The following NREP variants were observed in gnomAD, a reference collection of about 807,000 sequenced individuals.
NREP encodes the protein neuronal regeneration related protein.
Under a neutral mutation model 8.6 loss-of-function variants are expected in NREP, and 5 were observed. The ratio of observed to expected loss-of-function variants is 0.58; its 90% CI spans 0.30 to 1.22. The LOEUF (loss-of-function observed/expected upper bound fraction) is 1.22, where lower values mean the gene tolerates loss of function less well. Among genes scored for constraint, NREP ranks in the 50% most tolerant of loss-of-function variants. The pLI, the probability that NREP is intolerant of heterozygous loss-of-function variation, is 0.07. For missense variants in NREP, 86 were observed against 82.5 expected, an observed-to-expected ratio of 1.04 and a Z score of -0.17; for synonymous variants, 27 against 28.0, an observed-to-expected ratio of 0.96 and a Z score of 0.11.
intron 2 of NREP, among the ~76,000 whole-genome samples, chr5:111,920,853 C>T (rs1755218365): frequency 6.6e-6 from 1 of 152,152 alleles, no homozygotes; most frequent in South Asian, 2.1e-4. Flanking sequence ...CTGCTGAAAG[C>T]AGTTCCCACT....
chr5:111,934,024 C>T (rs1424534562), intron 2 of NREP, among the ~76,000 whole-genome samples: 1 of 152,030 alleles, frequency 6.6e-6, no homozygotes, highest in African/African-American at 2.4e-5. Context: ...GTACCATTTT[C>T]CTTTTGGGGA....
intron 2 of NREP, among the ~76,000 whole-genome samples, chr5:111,829,687 T>A (rs1056267251): frequency 1.3e-5 from 2 of 152,194 alleles, no homozygotes; most frequent in African/African-American, 4.8e-5. Context: ...TGACTCTCAG[T>A]CTAGACTTTA....
At chr5:111,905,699 C>G (rs988114825) in intron 2 of NREP, among the ~76,000 whole-genome samples, 3 of 151,960 alleles carry the variant, frequency 2.0e-5, no homozygotes, top group Non-Finnish European at 2.9e-5. Context: ...CCAAGTGAAA[C>G]AAAACACCAA....
At chr5:111,748,342 C>T (rs1317901730) in intron 2 of NREP, among the ~76,000 whole-genome samples, 2 of 152,090 alleles carry the variant, frequency 1.3e-5, no homozygotes, top group African/African-American at 2.4e-5. Context: ...TTTCATTTCC[C>T]GGAATGCCTG....
intron 2 of NREP, among the ~76,000 whole-genome samples, chr5:111,789,787 C>T (rs890027722): frequency 6.6e-6 from 1 of 152,004 alleles, no homozygotes; most frequent in Admixed American, 6.6e-5. Context: ...AGTCTTGAGC[C>T]AAACCATATG....
intron 2 of NREP, among the ~76,000 whole-genome samples, chr5:111,906,587 T>C (rs1754784723): frequency 6.6e-6 from 1 of 152,136 alleles, no homozygotes; most frequent in African/African-American, 2.4e-5. Context: ...TTTAGTGATA[T>C]CACAAATGAT....
chr5:111,774,017 A>T (rs1474090560), intron 2 of NREP, among the ~76,000 whole-genome samples: 2 of 152,152 alleles, frequency 1.3e-5, no homozygotes, highest in East Asian at 1.9e-4. Flanking sequence ...CTGATCTGAG[A>T]ATTTATAAAC....
intron 2 of NREP, among the ~76,000 whole-genome samples, chr5:111,849,541 A>C (rs534779498): frequency 6.6e-6 from 1 of 152,146 alleles, no homozygotes; most frequent in Non-Finnish European, 1.5e-5. Flanking sequence ...CAGTATGGAC[A>C]ATGAATTGGA....
rs541524594 is a variant in NREP, at chr5:111,911,903, C to A, written c.135+63371G>T. 5.5e-4 allele frequency among the ~76,000 whole-genome samples: 84 copies of A among 152,174 alleles called. 1 individual carries two copies. The highest frequency in any genetic ancestry group is 5.4e-3 in the Admixed American group (83 of 15,274). On this transcript the variant is annotated intron_variant, in intron 2 of 3. Transcript: ENST00000395634. Reference sequence around the variant, plus strand: ...CAGCATTTCAGGTAGTGCCCACCACCATCCTATAAGCAAGTACTAGTCTTC... The same window carrying A: ...CAGCATTTCAGGTAGTGCCCACCACAATCCTATAAGCAAGTACTAGTCTTC...
intron 2 of NREP, chr5:111,974,239 T>C (rs1756900355): frequency 6.6e-6 from 1 of 152,222 alleles, no homozygotes; most frequent in Non-Finnish European, 1.5e-5. Flanking sequence ...TTGGAATTAA[T>C]AGAGGTGGGC....
intron 2 of NREP, among the ~76,000 whole-genome samples, chr5:111,888,712 C>T (rs560027143): frequency 6.6e-6 from 1 of 152,304 alleles, no homozygotes; most frequent in Non-Finnish European, 1.5e-5. Flanking sequence ...AAAGTCTTTT[C>T]CATGCTGTCT....
At chr5:111,976,691 T>G in intron 1 of NREP, 2 of 1,546,310 alleles carry the variant, frequency 1.3e-6, no homozygotes, top group Non-Finnish European at 1.8e-6. Flanking sequence ...GCATACACAG[T>G]AAGTTATTCT....
At chr5:111,781,290 T>C (rs898827502) in intron 2 of NREP, among the ~76,000 whole-genome samples, 1 of 152,182 alleles carries the variant, frequency 6.6e-6, no homozygotes, top group African/African-American at 2.4e-5. Context: ...TGTCTGGCTC[T>C]TTCTTGCTTC....
At chr5:111,761,727 T>C (rs1750963924), upstream of NREP, among the ~76,000 whole-genome samples, 1 of 152,192 alleles carries the variant, frequency 6.6e-6, no homozygotes, top group South Asian at 2.1e-4. Context: ...CCATACAGCC[T>C]GCTAGATCCA....
intron 2 of NREP, among the ~76,000 whole-genome samples, chr5:111,943,677 G>C (rs908901099): frequency 1.3e-5 from 2 of 152,066 alleles, no homozygotes; most frequent in Admixed American, 1.3e-4. Flanking sequence ...ATTTGCAGTG[G>C]TAAACAGCAA....
At chr5:111,884,193 C>T (rs1341605471) in intron 2 of NREP, among the ~76,000 whole-genome samples, 2 of 151,418 alleles carry the variant, frequency 1.3e-5, no homozygotes, top group Admixed American at 1.3e-4. Flanking sequence ...ATACTACAAA[C>T]ACCTCTACGC....
chr5:111,740,912 A>AGAC (rs1326993924), intron 2 of NREP, among the ~76,000 whole-genome samples: 1 of 151,910 alleles, frequency 6.6e-6, no homozygotes, highest in African/African-American at 2.4e-5. Context: ...TTCTTTGGGG[A>AGAC]GACTGTTCTA....
intron 2 of NREP, among the ~76,000 whole-genome samples, chr5:111,870,287 G>A (rs991531444): frequency 7.2e-5 from 11 of 152,094 alleles, no homozygotes; most frequent in African/African-American, 2.7e-4. Context: ...AAATCAGCCA[G>A]GCGTGGTGGC....
intron 2 of NREP, among the ~76,000 whole-genome samples, chr5:111,820,367 C>A (rs1752489007): frequency 2.0e-5 from 3 of 152,180 alleles, no homozygotes; most frequent in South Asian, 4.1e-4. Context: ...AAAAGCTTCA[C>A]AAGTATTGAT....
Sources: allele counts gnomAD v4.1 joint callset (sites outside exome capture counted in the v4.1 genomes callset), GRCh38; gene constraint gnomAD v4.1.1; transcripts MANE v1.5; gene names NCBI Gene and HGNC (gene_info 2026-07-23, HGNC 2026-07-21).